Variants in HDHD5 observed in about 807,000 individuals in gnomAD.
HDHD5 encodes haloacid dehalogenase like hydrolase domain containing 5, also known as haloacid dehalogenase-like hydrolase domain-containing 5.
Under a neutral mutation model 35.5 loss-of-function variants are expected in HDHD5, and 34 were observed. The observed-to-expected ratio is 0.96, with a 90% CI of 0.73 to 1.28. HDHD5 has a LOEUF of 1.28. HDHD5 is among the 50% of genes most tolerant of loss of function. The probability of loss-of-function intolerance (pLI) is 0.00; values close to 1 mark genes in which losing one functional copy is unlikely to be tolerated. For missense variants in HDHD5, 589 were observed against 560.2 expected (o/e 1.05, Z -0.52); for synonymous variants, 248 against 240.6 (o/e 1.03, Z -0.29).
intron 6 of HDHD5, among the ~76,000 whole-genome samples, chr22:17,139,970 A>G (rs987959441): frequency 4.6e-5 from 7 of 152,232 alleles, no homozygotes; most frequent in Non-Finnish European, 1.0e-4. Context: ...TCACAGAGAC[A>G]TAACCAACCA....
At position 17,137,655 on chromosome 22, in the gene HDHD5, C is replaced by T. The variant is rs957257394; in HGVS notation, c.*366G>A. On this transcript the variant is annotated 3_prime_UTR_variant, in exon 8 of 8. Coordinates refer to ENST00000336737, the MANE Select transcript of HDHD5 (RefSeq NM_033070.3). ...GCCGACAGGCTGCATGCCTTCAGTG[C>T]CGGCAAAGGCTCTGCACAGACATCC... 1.5e-4 allele frequency: 30 copies of T among 200,346 alleles called. No homozygotes were observed. The highest frequency in any genetic ancestry group is 8.0e-5 in the Non-Finnish European group (8 of 99,996). 12.4% of individuals were successfully genotyped at this position (200,346 alleles called of 1,614,324 possible).
In HDHD5 at chr22:17,137,637, G is replaced by T; in HGVS notation, c.*384C>A. On this transcript the variant is annotated 3_prime_UTR_variant, in exon 8 of 8. Transcript: ENST00000336737. ...CTGGTGTTAAGACACTCTGCCGACAGGCTGCATGCCTTCAGTGCCGGCAAA... is the reference window on the plus strand; with the variant it reads ...CTGGTGTTAAGACACTCTGCCGACATGCTGCATGCCTTCAGTGCCGGCAAA... The T allele has an allele frequency of 5.2e-6, 1 of 191,004 alleles. No homozygotes were observed. Among genetic ancestry groups the T allele is most frequent in the Admixed American group, 5.6e-5 (1 of 17,816 alleles). The allele number at this position is 191,004 out of a possible 1,614,324, so 11.8% of individuals were successfully genotyped here. A position where few individuals can be genotyped will look rare whatever the true frequency, so the allele number is the denominator to read the frequency against.
intron 1 of HDHD5, among the ~76,000 whole-genome samples, chr22:17,156,320 A>AT (rs1315361291): frequency 2.0e-5 from 3 of 151,978 alleles, no homozygotes; most frequent in South Asian, 2.1e-4. Flanking sequence ...AAAAAAAAAA[A>AT]TTTTTTTTAA....
chr22:17,156,393 A>G, intron 1 of HDHD5, among the ~76,000 whole-genome samples: 1 of 152,224 alleles, frequency 6.6e-6, no homozygotes, highest in Admixed American at 6.5e-5. Context: ...CGGGCGTATC[A>G]TGAGGTCAGG....
At chr22:17,159,600 C>T (rs1368010822), upstream of HDHD5, 1 of 417,604 alleles carries the variant, frequency 2.4e-6, no homozygotes, top group African/African-American at 2.1e-5. Context: ...GCTTCGCGGA[C>T]TGTCTGGGCC....
Position 17,138,612 on chromosome 22 carries a change from C to T in HDHD5, c.873G>A (p.Leu291=). The change falls in exon 7 of 8, where the codon CTG becomes CTA. Residue 291 remains leucine (L), a synonymous_variant. Coordinates refer to ENST00000336737, the MANE Select transcript of HDHD5 (RefSeq NM_033070.3). ...SILTYQYAED[L]IRRQAERRGW... is the part of the protein sequence containing the mutation. Reference sequence around the variant, plus strand: ...CCCGCCTCTCCGCCTGTCGCCTGATCAGGTCCTCGGCATACTGGTAAGTGA... The same window carrying T: ...CCCGCCTCTCCGCCTGTCGCCTGATTAGGTCCTCGGCATACTGGTAAGTGA... The T allele has an allele frequency of 1.2e-6, 2 of 1,614,238 alleles. No individual in the cohort carries two copies. The highest frequency in any genetic ancestry group is 1.7e-6 in the Non-Finnish European group (2 of 1,180,042).
chr22:17,144,548 G>A (rs2123856426), intron 4 of HDHD5, among the ~76,000 whole-genome samples: 1 of 152,002 alleles, frequency 6.6e-6, no homozygotes, highest in African/African-American at 2.4e-5. Context: ...CGAGTAGCTG[G>A]GATTATAGGC....
Position 17,149,739 on chromosome 22 carries a change from G to A in HDHD5, c.133C>T (p.Pro45Ser). ...ATGTCCAACAGGAACCCAAAGGTGGGTGGGCTCTGCAGAGATGGTAAGATA... is the reference window on the plus strand; with the variant it reads ...ATGTCCAACAGGAACCCAAAGGTGGATGGGCTCTGCAGAGATGGTAAGATA... ...CYAVGPAQSPPTFGFLLDIDG... is the reference protein window; with the variant it reads ...CYAVGPAQSPSTFGFLLDIDG... Residue 45 changes from proline to serine, a missense_variant, in exon 2 of 8, where the codon CCC becomes TCC. Physicochemically the swap from Pro to Ser is moderately conservative, Grantham distance 74. Transcript: ENST00000336737. The A allele has an allele frequency of 2.5e-6, 4 of 1,614,024 alleles. No homozygotes were observed. The highest frequency in any genetic ancestry group is 2.5e-6 in the Non-Finnish European group (3 of 1,180,004).
Position 17,159,147 on chromosome 22 carries a change from G to C in HDHD5, c.105C>G (p.Cys35Trp). ...TCACCTGAGCGGGGCCCACAGCATAGCACCTGCGGGCGGGGCGGCCCTGGA... is the reference window on the plus strand; with the variant it reads ...TCACCTGAGCGGGGCCCACAGCATACCACCTGCGGGCGGGGCGGCCCTGGA... ...AGLQGRPARR[C>W]YAVGPAQSPP... Residue 35 changes from cysteine (C) to tryptophan (W), a missense_variant, in exon 1 of 8, where the codon TGC becomes TGG. By Grantham distance (215) the Cys-to-Trp change is radical. Coordinates refer to ENST00000336737, the MANE Select transcript of HDHD5 (RefSeq NM_033070.3). 5.7e-6 allele frequency: 7 copies of C among 1,228,812 alleles called. No individual in the cohort carries two copies. Among genetic ancestry groups the C allele is most frequent in the Non-Finnish European group, 7.1e-6 (7 of 984,208 alleles). The allele number at this position is 1,228,812 out of a possible 1,614,324, so 76.1% of individuals were successfully genotyped here.
rs1486210364 is a variant in HDHD5, at chr22:17,138,033, C to T, written c.1260G>A (p.Trp420Ter). 6.2e-7 allele frequency: 1 copy of T among 1,612,548 alleles called. No individual in the cohort carries two copies. The highest frequency in any genetic ancestry group is 8.5e-7 in the Non-Finnish European group (1 of 1,178,762). Reference protein sequence around the residue: ...AVQLVFRKEGWALE With the variant: ...AVQLVFRKEG ...CACCGCACTGCCCTCACTCCAAAGC[C>T]CAGCCCTCCTTGCGGAAGACCAGCT... The change falls in exon 8 of 8, where the codon TGG becomes TGA. Residue 420 changes from tryptophan to a stop codon, truncating the protein, a stop_gained. Transcript: ENST00000336737. LOFTEE classifies it high-confidence loss of function.
chr22:17,148,249 G>A (rs185316316), intron 3 of HDHD5, among the ~76,000 whole-genome samples, 199 bp downstream of exon 3: 21 of 152,242 alleles, frequency 1.4e-4, no homozygotes, highest in Admixed American at 9.1e-4. Context: ...CTGATGCAGG[G>A]GTATGAGAAC....
intron 1 of HDHD5, among the ~76,000 whole-genome samples, chr22:17,157,093 C>CACACAT (rs1422225363): frequency 3.8e-4 from 30 of 78,706 alleles, no homozygotes; most frequent in Non-Finnish European, 6.4e-4. Context: ...CATACACACA[C>CACACAT]ACACACACAC....
At chr22:17,160,933 T>C (rs1265750180), upstream of HDHD5, among the ~76,000 whole-genome samples, 1 of 123,596 alleles carries the variant, frequency 8.1e-6, no homozygotes, top group Non-Finnish European at 1.7e-5. Context: ...CTTTTAAACA[T>C]GCCCACAGTT....
chr22:17,148,202 T>C (rs866044108), intron 3 of HDHD5, among the ~76,000 whole-genome samples: 1 of 152,176 alleles, frequency 6.6e-6, no homozygotes, highest in African/African-American at 2.4e-5. Flanking sequence ...CCAGCGCAGA[T>C]ACCCTGGGAT....
In HDHD5 at chr22:17,138,559, T is replaced by C. The variant is rs201704251; in HGVS notation, c.926A>G (p.Tyr309Cys). The C allele has an allele frequency of 5.8e-5, 94 of 1,613,810 alleles. No homozygotes were observed. The highest frequency in any genetic ancestry group is 1.2e-4 in the Admixed American group (7 of 59,982). Residue 309 changes from tyrosine (Y) to cysteine (C), a missense_variant, in exon 7 of 8, where the codon TAT (tyrosine) becomes TGT (cysteine). Tyr to Cys is a radical substitution (Grantham distance 194). Transcript: ENST00000336737. Reference sequence around the variant, plus strand: ...GGAGAGCAGAGCCTACCCCACAGCATAGAGCTTCCGGATGGGGGCGGCCCA... The same window carrying C: ...GGAGAGCAGAGCCTACCCCACAGCACAGAGCTTCCGGATGGGGGCGGCCCA... ...RGWAAPIRKL[Y>C]AVGDNPMSDV...
At chr22:17,152,472 T>C (rs1478138896) in intron 1 of HDHD5, among the ~76,000 whole-genome samples, 1 of 151,968 alleles carries the variant, frequency 6.6e-6, no homozygotes, top group African/African-American at 2.4e-5. Context: ...CTTTTTTATT[T>C]TGGTCTGGGA....
At chr22:17,144,549 G>A (rs1445244615) in intron 4 of HDHD5, among the ~76,000 whole-genome samples, 2 of 152,028 alleles carry the variant, frequency 1.3e-5, no homozygotes, top group Non-Finnish European at 2.9e-5. Context: ...GAGTAGCTGG[G>A]ATTATAGGCA....
At chr22:17,147,402 C>T (rs1421561840) in intron 3 of HDHD5, among the ~76,000 whole-genome samples, 1 of 132,148 alleles carries the variant, frequency 7.6e-6, no homozygotes, top group African/African-American at 2.8e-5. Context: ...CCATCGCACA[C>T]GCCCCACACC....
chr22:17,146,375 G>A (rs1004351585), intron 3 of HDHD5, among the ~76,000 whole-genome samples: 1 of 149,026 alleles, frequency 6.7e-6, no homozygotes, highest in African/African-American at 2.5e-5. Flanking sequence ...GCCCTCCTGT[G>A]AGCTTACCGG....
Sources: allele counts gnomAD v4.1 joint callset (sites outside exome capture counted in the v4.1 genomes callset), GRCh38; gene constraint gnomAD v4.1.1; transcripts MANE v1.5; gene names NCBI Gene and HGNC (gene_info 2026-07-23, HGNC 2026-07-21).